The following DPYD variants were observed in gnomAD, a reference collection of about 807,000 sequenced individuals.
DPYD encodes dihydropyrimidine dehydrogenase [NADP(+)].
In DPYD, 109 loss-of-function variants were observed where a neutral mutation model predicts 116.2. The ratio of observed to expected loss-of-function variants is 0.94; its 90% CI spans 0.80 to 1.10. DPYD has a LOEUF of 1.10. Ranked by LOEUF, DPYD falls within the 50% of genes least tolerant of loss-of-function variation. The pLI, the probability that DPYD is intolerant of heterozygous loss-of-function variation, is 0.00. For synonymous variants in DPYD, 440 were observed against 432.0 expected, an observed-to-expected ratio of 1.02 and a Z score of -0.23; for missense variants, 1,302 against 1,254.5, an observed-to-expected ratio of 1.04 and a Z score of -0.57.
intron 18 of DPYD, among the ~76,000 whole-genome samples, chr1:97,297,522 A>C (rs1398672140): frequency 6.6e-6 from 1 of 152,190 alleles, no homozygotes; most frequent in African/African-American, 2.4e-5. Flanking sequence ...ACTTTGGAAG[A>C]GCTCAGTGCA....
chr1:97,319,344 T>TA (rs1668085077), intron 16 of DPYD, among the ~76,000 whole-genome samples: 1 of 145,980 alleles, frequency 6.9e-6, no homozygotes, highest in African/African-American at 2.6e-5. Context: ...GCAAGACTAA[T>TA]AAAGAAAAAA....
chr1:97,545,706 A>G, intron 12 of DPYD: 1 of 983,902 alleles, frequency 1.0e-6, no homozygotes, highest in Non-Finnish European at 1.6e-6. Context: ...AAAACTGCCA[A>G]CTAATAGTAA....
intron 3 of DPYD, among the ~76,000 whole-genome samples, chr1:97,791,539 TTGG>T (rs1453748226): frequency 1.3e-5 from 2 of 152,216 alleles, no homozygotes; most frequent in African/African-American, 4.8e-5. Flanking sequence ...ATTTGCATTT[TTGG>T]TAACACAGAA....
intron 14 of DPYD, among the ~76,000 whole-genome samples, chr1:97,406,623 C>T (rs1467940193): frequency 4.5e-5 from 6 of 134,332 alleles, no homozygotes; most frequent in Non-Finnish European, 6.2e-5. Context: ...TCAATAGGAA[C>T]GCTTTTACAC....
intron 16 of DPYD, among the ~76,000 whole-genome samples, chr1:97,309,258 T>C (rs1049140333): frequency 2.1e-4 from 32 of 151,796 alleles, no homozygotes; most frequent in Admixed American, 1.9e-3. Flanking sequence ...AAAGGCTTTA[T>C]TGGTGCTTTC....
intron 18 of DPYD, among the ~76,000 whole-genome samples, chr1:97,269,932 T>C (rs1432838622): frequency 6.6e-6 from 1 of 152,206 alleles, no homozygotes; most frequent in African/African-American, 2.4e-5. Flanking sequence ...TCAGCAAATT[T>C]ATGATAAGAT....
At chr1:97,157,008 A>G (rs1478190484) in intron 20 of DPYD, among the ~76,000 whole-genome samples, 4 of 150,404 alleles carry the variant, frequency 2.7e-5, no homozygotes, top group Non-Finnish European at 4.4e-5. Flanking sequence ...TCAGTAAACT[A>G]TCGCAAGAAC....
chr1:97,772,532 T>C (rs1373109765), intron 3 of DPYD, among the ~76,000 whole-genome samples: 1 of 152,138 alleles, frequency 6.6e-6, no homozygotes, highest in African/African-American at 2.4e-5. Context: ...ATTTCACAGG[T>C]TGGAAGTAAG....
intron 2 of DPYD, among the ~76,000 whole-genome samples, chr1:97,832,265 A>AT (rs1669577863): frequency 6.6e-6 from 1 of 152,156 alleles, no homozygotes; most frequent in African/African-American, 2.4e-5. Context: ...CTAGCAAGGG[A>AT]TAAAGCAGGG....
At chr1:97,842,049 A>G (rs531519969) in intron 2 of DPYD, among the ~76,000 whole-genome samples, 5 of 151,994 alleles carry the variant, frequency 3.3e-5, no homozygotes, top group Non-Finnish European at 7.4e-5. Flanking sequence ...AAGGGCCTGG[A>G]TCTTCTCTAG....
intron 16 of DPYD, among the ~76,000 whole-genome samples, chr1:97,364,990 T>C (rs12564011): frequency 0.1 from 15,333 of 152,100 alleles, 837 homozygotes; most frequent in East Asian, 0.19. Flanking sequence ...AAATTTCTCT[T>C]TGCGGTAGAA....
In DPYD at chr1:97,291,067, C is replaced by A. The variant is rs565028157; in HGVS notation, c.2299+14192G>T. On this transcript the variant is annotated intron_variant, in intron 18 of 22. Coordinates refer to ENST00000370192, the MANE Select transcript of DPYD (RefSeq NM_000110.4). ...TTCTCAAAAGAAGACATTTATGCAG[C>A]CATCAGACAAATGAAAAAATGCTCA... 1.8e-4 allele frequency among the ~76,000 whole-genome samples: 28 copies of A among 152,312 alleles called. No individual in the cohort carries two copies. In the East Asian group the frequency reaches 5.4e-3, roughly 29 times the overall value.
chr1:97,223,801 A>G (rs1246136472), intron 19 of DPYD, among the ~76,000 whole-genome samples: 5 of 152,072 alleles, frequency 3.3e-5, no homozygotes, highest in Non-Finnish European at 7.4e-5. Flanking sequence ...AGTGAAATCA[A>G]AACTTAAAAA....
chr1:97,683,500 G>A (rs1660541930), intron 7 of DPYD, among the ~76,000 whole-genome samples: 1 of 151,662 alleles, frequency 6.6e-6, no homozygotes, highest in African/African-American at 2.4e-5. Flanking sequence ...AATACTTTGG[G>A]AAATGACAAA....
intron 8 of DPYD, among the ~76,000 whole-genome samples, chr1:97,613,639 A>T (rs1656085316): frequency 6.6e-6 from 1 of 152,046 alleles, no homozygotes; most frequent in East Asian, 1.9e-4. Context: ...AATTAAAATT[A>T]TAAATGGAAA....
intron 20 of DPYD, among the ~76,000 whole-genome samples, chr1:97,103,751 T>C (rs977445936): frequency 6.6e-6 from 1 of 152,168 alleles, no homozygotes; most frequent in African/African-American, 2.4e-5. Flanking sequence ...ACTTTACTAT[T>C]CTGCTACTAA....
intron 13 of DPYD, among the ~76,000 whole-genome samples, chr1:97,488,728 G>A (rs1328398947): frequency 2.0e-5 from 3 of 152,326 alleles, no homozygotes; most frequent in Non-Finnish European, 2.9e-5. Flanking sequence ...TGCCATGTCA[G>A]TTTACCATTG....
At chr1:97,516,354 T>C (rs554292671) in intron 12 of DPYD, among the ~76,000 whole-genome samples, 1 of 151,996 alleles carries the variant, frequency 6.6e-6, no homozygotes, top group South Asian at 2.1e-4. Flanking sequence ...GTAATTTCAC[T>C]ACTGTTTAGG....
intron 3 of DPYD, among the ~76,000 whole-genome samples, chr1:97,751,460 GTATATATA>G (rs1553233231): frequency 1.0e-3 from 22 of 21,274 alleles, no homozygotes; most frequent in Non-Finnish European, 1.5e-3. Flanking sequence ...GTGTGTGTGT[GTATATATA>G]TATATATATA....
Sources: gnomAD v4.1 joint callset for allele counts (sites outside exome capture counted in the v4.1 genomes callset) on GRCh38, gnomAD v4.1.1 for gene constraint, MANE v1.5 for transcripts, NCBI Gene and HGNC (gene_info 2026-07-23, HGNC 2026-07-21) for gene names.